The following KCNH7 variants were observed in gnomAD, a reference collection of about 807,000 sequenced individuals.
KCNH7 encodes potassium voltage-gated channel subfamily H member 7.
In KCNH7, 49 loss-of-function variants were observed where a neutral mutation model predicts 120.8. That is an observed-to-expected ratio of 0.41 (90% confidence interval 0.32 to 0.51). The LOEUF is 0.51. Ranked by LOEUF, KCNH7 falls within the 20% of genes least tolerant of loss-of-function variation. KCNH7 has a pLI of 0.38. For missense variants in KCNH7, 1,097 were observed against 1,446.6 expected, an observed-to-expected ratio of 0.76 and a Z score of 3.92; for synonymous variants, 547 against 516.1, an observed-to-expected ratio of 1.06 and a Z score of -0.81.
chr2:162,380,090 C>A, intron 13 of KCNH7, 69 bp from the exon 14 acceptor site: 1 of 1,535,748 alleles, frequency 6.5e-7, no homozygotes, highest in Non-Finnish European at 8.9e-7. Flanking sequence ...TCATAGATAT[C>A]CACAAGACAA....
chr2:162,523,168 T>C (rs532717789), intron 3 of KCNH7, among the ~76,000 whole-genome samples: 1 of 151,988 alleles, frequency 6.6e-6, no homozygotes, highest in Non-Finnish European at 1.5e-5. Flanking sequence ...GGTGTTTTCT[T>C]GGGTCATAAA....
intron 2 of KCNH7, among the ~76,000 whole-genome samples, chr2:162,782,916 T>C (rs774716953): frequency 6.6e-5 from 10 of 152,050 alleles, no homozygotes; most frequent in African/African-American, 1.4e-4. Context: ...ATATGTGAGA[T>C]TGGGGAGGTG....
At chr2:162,752,903 A>AAAAAAGAAAAGAAAAG (rs1688612139) in intron 2 of KCNH7, among the ~76,000 whole-genome samples, 19 of 32,026 alleles carry the variant, frequency 5.9e-4, no homozygotes, top group Non-Finnish European at 4.2e-3. Flanking sequence ...TACATCTCAG[A>AAAAAAGAAAAGAAAAG]AAAAGAAAAG....
intron 2 of KCNH7, among the ~76,000 whole-genome samples, chr2:162,543,716 T>C (rs1692389121): frequency 6.6e-6 from 1 of 152,070 alleles, no homozygotes; most frequent in Non-Finnish European, 1.5e-5. Context: ...TTTGGACAAA[T>C]TACTTAGTCT....
rs1684103254 is a variant in KCNH7, at chr2:162,795,321, G to A, written c.307+41216C>T. ...GTTATGGTGAAAGGGGAGAGAAAAT[G>A]GTATGGAAGGAAGGGTCAGCAACAA... On this transcript the variant is annotated intron_variant, in intron 2 of 15. Transcript: ENST00000332142. 2.0e-5 allele frequency: 3 copies of A among 151,956 alleles called. No individual in the cohort carries two copies. The South Asian group carries it at 6.2e-4, about 31-fold the overall frequency. 9.4% of individuals were successfully genotyped at this position (151,956 alleles called of 1,614,324 possible).
chr2:162,774,579 A>G (rs998337012), intron 2 of KCNH7, among the ~76,000 whole-genome samples: 2 of 152,202 alleles, frequency 1.3e-5, no homozygotes, highest in African/African-American at 2.4e-5. Context: ...GTCTGTTCCC[A>G]AGATGAACTG....
intron 2 of KCNH7, among the ~76,000 whole-genome samples, chr2:162,711,746 C>T (rs1321360735): frequency 2.6e-5 from 4 of 152,032 alleles, no homozygotes; most frequent in African/African-American, 7.2e-5. Flanking sequence ...ACACAGTAAA[C>T]GTTTTCTTGT....
At chr2:162,498,232 A>G (rs1690559670) in intron 6 of KCNH7, among the ~76,000 whole-genome samples, 1 of 152,146 alleles carries the variant, frequency 6.6e-6, no homozygotes, top group Non-Finnish European at 1.5e-5. Context: ...AGGCCAACTT[A>G]TAGAACTATT....
chr2:162,632,728 C>A (rs1683817088), intron 2 of KCNH7, among the ~76,000 whole-genome samples: 1 of 151,582 alleles, frequency 6.6e-6, no homozygotes, highest in Non-Finnish European at 1.5e-5. Context: ...TATTTAAAAA[C>A]CTGAAGAAGG....
intron 9 of KCNH7, among the ~76,000 whole-genome samples, chr2:162,420,146 G>A (rs1270457566): frequency 1.3e-5 from 2 of 152,116 alleles, no homozygotes; most frequent in Admixed American, 6.6e-5. Flanking sequence ...GGAGGCCAAG[G>A]CGGCAGATCA....
chr2:162,786,302 T>G (rs1280508093), intron 2 of KCNH7, among the ~76,000 whole-genome samples: 2 of 151,044 alleles, frequency 1.3e-5, no homozygotes, highest in Non-Finnish European at 3.0e-5. Context: ...ACACTTACTG[T>G]GTGCCAGCTA....
chr2:162,374,013 G>T (rs76023373), intron 14 of KCNH7, among the ~76,000 whole-genome samples: 20 of 152,092 alleles, frequency 1.3e-4, no homozygotes, highest in Non-Finnish European at 2.6e-4. Context: ...GTTTTACTCA[G>T]TTTCTTGTGA....
chr2:162,748,569 T>C (rs1265018853), intron 2 of KCNH7, among the ~76,000 whole-genome samples: 1 of 152,166 alleles, frequency 6.6e-6, no homozygotes, highest in Non-Finnish European at 1.5e-5. Flanking sequence ...AATGTAGTAG[T>C]CTTATTGATT....
chr2:162,530,196 C>T (rs1055525822), intron 3 of KCNH7, among the ~76,000 whole-genome samples: 2 of 151,908 alleles, frequency 1.3e-5, no homozygotes, highest in African/African-American at 4.8e-5. Flanking sequence ...GTATGGAGCC[C>T]AATGTATCAT....
intron 2 of KCNH7, among the ~76,000 whole-genome samples, chr2:162,620,720 A>G (rs995876733): frequency 6.6e-6 from 1 of 152,148 alleles, no homozygotes; most frequent in African/African-American, 2.4e-5. Context: ...TCACCAAATA[A>G]CAGTCAGTTC....
chr2:162,708,205 A>T (rs1435537399), intron 2 of KCNH7, among the ~76,000 whole-genome samples: 1 of 152,016 alleles, frequency 6.6e-6, no homozygotes, highest in Admixed American at 6.6e-5. Flanking sequence ...TATATTGTCA[A>T]ATAAACATAC....
At chr2:162,795,934 A>G (rs1684129589) in intron 2 of KCNH7, 1 of 152,098 alleles carries the variant, frequency 6.6e-6, no homozygotes, top group Admixed American at 6.6e-5. Context: ...AGTGAAGGGA[A>G]ATAGAAAAGT....
intron 2 of KCNH7, among the ~76,000 whole-genome samples, chr2:162,700,699 T>C (rs1686466106): frequency 2.0e-5 from 3 of 152,210 alleles, no homozygotes; most frequent in African/African-American, 7.2e-5. Context: ...TGTTTCTTAG[T>C]GATTGTGTCA....
chr2:162,729,020 T>C (rs1156721856), intron 2 of KCNH7, among the ~76,000 whole-genome samples: 2 of 152,082 alleles, frequency 1.3e-5, no homozygotes, highest in African/African-American at 2.4e-5. Flanking sequence ...TAAACAAAGA[T>C]ATGTAACTGT....
Sources: gnomAD v4.1 joint callset for allele counts (sites outside exome capture counted in the v4.1 genomes callset) on GRCh38, gnomAD v4.1.1 for gene constraint, MANE v1.5 for transcripts, NCBI Gene and HGNC (gene_info 2026-07-23, HGNC 2026-07-21) for gene names.